WDR73: variants seen among roughly 807,000 people sequenced by gnomAD.
The protein encoded by WDR73 is WD repeat domain 73, also known as integrator complex assembly factor WDR73.
A neutral mutation model predicts 38.2 loss-of-function variants in WDR73; 30 were observed. The ratio of observed to expected loss-of-function variants is 0.79; its 90% CI spans 0.59 to 1.06. The LOEUF is 1.06. Among genes scored for constraint, WDR73 ranks in the 50% least tolerant of loss-of-function variants. The pLI, the probability that WDR73 is intolerant of heterozygous loss-of-function variation, is 0.00. For missense variants in WDR73, 487 were observed against 467.0 expected (o/e 1.04, Z -0.40); for synonymous variants, 197 against 176.0 (o/e 1.12, Z -0.94).
intron 6 of WDR73, 167 bp downstream of exon 6, chr15:84,646,017 A>C: frequency 6.5e-7 from 1 of 1,542,242 alleles, no homozygotes; most frequent in Non-Finnish European, 8.7e-7. Context: ...GGGACTGCCT[A>C]ATCCTGCCCC....
chr15:84,651,712 TA>T (rs752996812), intron 3 of WDR73, among the ~76,000 whole-genome samples: 41 of 152,346 alleles, frequency 2.7e-4, no homozygotes. Flanking sequence ...TGTTTCCGAC[TA>T]GTTGCTGCTT....
chr15:84,648,071 C>G (rs371078432), intron 4 of WDR73, 117 bp from the exon 5 acceptor site: 3 of 871,546 alleles, frequency 3.4e-6, no homozygotes, highest in Middle Eastern at 2.2e-4. Context: ...CATCTTACTG[C>G]AAGATCATCA....
rs1896292340 is a variant in WDR73 at position 84,642,495 on chromosome 15, CT to C, written c.*974del. The C allele has an allele frequency of 6.6e-6, 1 of 152,018 alleles. No individual in the cohort carries two copies. The highest frequency in any genetic ancestry group is 2.1e-4 in the South Asian group (1 of 4,816). 9.4% of individuals were successfully genotyped at this position (152,018 alleles called of 1,614,324 possible). A position where few individuals can be genotyped will look rare whatever the true frequency, so the allele number is the denominator to read the frequency against. ...TTTGTGTGTGTGTGTGTAACAGGGT[CT>C]CATTCTGTTGCCCAGGCTGGAATAC... On this transcript the variant is annotated 3_prime_UTR_variant, in exon 8 of 8. Coordinates refer to ENST00000434634, the MANE Select transcript of WDR73 (RefSeq NM_032856.5).
In WDR73 at chr15:84,643,240, C is replaced by A; in HGVS notation, c.*230G>T. 1.8e-6 allele frequency: 1 copy of A among 560,054 alleles called. No homozygotes were observed. The highest frequency in any genetic ancestry group is 2.3e-5 in the South Asian group (1 of 43,854). 34.7% of individuals were successfully genotyped at this position (560,054 alleles called of 1,614,324 possible). ...CACTCCCAGATCTAACAATAGCTAC[C>A]AAGTAATTATGCCATGCGTTTCTTC... is the stretch of plus-strand genomic sequence containing the variant. On this transcript the variant is annotated 3_prime_UTR_variant, in exon 8 of 8. Transcript: ENST00000434634.
chr15:84,652,220 T>G (rs1460857514), intron 3 of WDR73, among the ~76,000 whole-genome samples: 1 of 152,204 alleles, frequency 6.6e-6, no homozygotes, highest in Non-Finnish European at 1.5e-5. Flanking sequence ...CTAACTCTTT[T>G]TTTCTTGAGA....
chr15:84,643,218 TC>T lies in WDR73; in HGVS notation c.*251del, dbSNP rs1896321523. The T allele has an allele frequency of 3.8e-6, 2 of 522,896 alleles. No individual in the cohort carries two copies. Among genetic ancestry groups the T allele is most frequent in the Non-Finnish European group, 6.8e-6 (2 of 292,792 alleles). The allele number at this position is 522,896 out of a possible 1,614,324, so 32.4% of individuals were successfully genotyped here. ...GGGACAAAACGCTACCATTTCACACTCCCAGATCTAACAATAGCTACCAAGT... is the reference window on the plus strand; with the variant it reads ...GGGACAAAACGCTACCATTTCACACTCCAGATCTAACAATAGCTACCAAGT... On this transcript the variant is annotated 3_prime_UTR_variant, in exon 8 of 8. Coordinates refer to ENST00000434634, the MANE Select transcript of WDR73 (RefSeq NM_032856.5).
In WDR73 at chr15:84,645,540, G is replaced by T. The variant is rs1896420569; in HGVS notation, c.814C>A (p.Pro272Thr). 2 of 1,612,108 alleles carry T rather than the reference G, an allele frequency of 1.2e-6. No individual in the cohort carries two copies. Among genetic ancestry groups the T allele is most frequent in the African/African-American group, 2.7e-5 (2 of 74,890 alleles). Reference sequence around the variant, plus strand: ...CGCAGCAGCTCTGGGTCAGGGCTAGGTACGGATACTGGGCACTGGACTGAG... The same window carrying T: ...CGCAGCAGCTCTGGGTCAGGGCTAGTTACGGATACTGGGCACTGGACTGAG... ...VSSVQCPVSV[P>T]SPDPELLRVT... The change falls in exon 7 of 8, where the codon CCT (proline) becomes ACT (threonine). Residue 272 changes from proline (P) to threonine (T), a missense_variant. Physicochemically the swap from Pro to Thr is conservative, Grantham distance 38 (BLOSUM62 -1). Coordinates refer to ENST00000434634, the MANE Select transcript of WDR73 (RefSeq NM_032856.5).
chr15:84,645,515 C>CG lies in WDR73; in HGVS notation c.838dup (p.Arg280ProfsTer18). The CG allele has an allele frequency of 6.2e-7, 1 of 1,612,148 alleles. No homozygotes were observed. Among genetic ancestry groups the CG allele is most frequent in the Non-Finnish European group, 8.5e-7 (1 of 1,179,064 alleles). ...CTTCAGGCCTGGGGCCCAAGTCACTCGCAGCAGCTCTGGGTCAGGGCTAGG... is the reference window on the plus strand; with the variant it reads ...CTTCAGGCCTGGGGCCCAAGTCACTCGGCAGCAGCTCTGGGTCAGGGCTAGG... On this transcript the variant is annotated frameshift_variant, in exon 7 of 8. Transcript: ENST00000434634. LOFTEE classifies it high-confidence loss of function.
chr15:84,643,749 G>C, intron 7 of WDR73, 26 bp from the exon 8 acceptor site: 1 of 1,588,248 alleles, frequency 6.3e-7, no homozygotes, highest in East Asian at 2.2e-5. Context: ...AGAGAGGCTT[G>C]ACAATGAGTC....
In WDR73 at chr15:84,645,734, T is replaced by G; in HGVS notation, c.620A>C (p.Gln207Pro). The G allele has an allele frequency of 6.2e-7, 1 of 1,610,890 alleles. No individual in the cohort carries two copies. Among genetic ancestry groups the G allele is most frequent in the Non-Finnish European group, 8.5e-7 (1 of 1,178,564 alleles). Residue 207 changes from glutamine (Q) to proline (P), a missense_variant, in exon 7 of 8, where the codon CAG (glutamine) becomes CCG (proline). Physicochemically the swap from Gln to Pro is moderately conservative, Grantham distance 76. Coordinates refer to ENST00000434634, the MANE Select transcript of WDR73 (RefSeq NM_032856.5). The part of the protein sequence containing the change: ...SGRLGLVDTR[Q>P]KWAPLENRSP... ...GCGATTCTCCAACGGTGCCCACTTCTGCCGGGTGTCAACAAGCCCCAGCCG... is the reference window on the plus strand; with the variant it reads ...GCGATTCTCCAACGGTGCCCACTTCGGCCGGGTGTCAACAAGCCCCAGCCG...
At chr15:84,648,512 G>T in intron 4 of WDR73, 25 bp downstream of exon 4, 1 of 1,576,220 alleles carries the variant, frequency 6.3e-7, no homozygotes, top group Non-Finnish European at 8.7e-7. Flanking sequence ...CTGTGTGGAT[G>T]GCTGGATCAC....
At chr15:84,650,031 G>C (rs72750873) in intron 3 of WDR73, among the ~76,000 whole-genome samples, 8,613 of 152,220 alleles carry the variant, frequency 0.057, 344 homozygotes, top group Non-Finnish European at 0.088. Context: ...TGGTCCTCAG[G>C]CTACTTTGAT....
chr15:84,654,016 C>A, intron 1 of WDR73: 1 of 631,684 alleles, frequency 1.6e-6, no homozygotes. Context: ...TTCACAAGCG[C>A]GGCTCTTACT....
At chr15:84,649,784 A>T (rs11630887) in intron 3 of WDR73, among the ~76,000 whole-genome samples, 29,846 of 151,892 alleles carry the variant, frequency 0.2, 3,715 homozygotes, top group Middle Eastern at 0.36. Flanking sequence ...TTAACTTTTT[A>T]AATTTTGTGA....
chr15:84,645,056 T>C (rs1596049704), intron 7 of WDR73: 2 of 329,744 alleles, frequency 6.1e-6, no homozygotes, highest in East Asian at 1.9e-4. Flanking sequence ...GTTCACGCCA[T>C]TCTTCTGCCT....
In WDR73 at chr15:84,653,614, G is replaced by T; in HGVS notation, c.109+18C>A. On this transcript the variant is annotated intron_variant, in intron 2 of 7. Coordinates refer to ENST00000434634, the MANE Select transcript of WDR73 (RefSeq NM_032856.5). The stretch of plus-strand genomic sequence containing the variant: ...GGAGTGAGATTCCCTCTCCTTCAGG[G>T]CTAGAAAGGTATACCACCTTTGTCA... 6.4e-7 allele frequency: 1 copy of T among 1,568,942 alleles called. No individual in the cohort carries two copies. The highest frequency in any genetic ancestry group is 1.8e-5 in the Admixed American group (1 of 54,256).
intron 3 of WDR73, 93 bp from the exon 4 acceptor site, chr15:84,648,718 G>A: frequency 9.9e-7 from 1 of 1,013,424 alleles, no homozygotes; most frequent in East Asian, 2.4e-5. Context: ...AGCCTGGCAG[G>A]AGGCCATGGA....
At chr15:84,645,945 A>G (rs1352303325) in intron 6 of WDR73, 109 bp from the exon 7 acceptor site, 18 of 1,567,102 alleles carry the variant, frequency 1.1e-5, no homozygotes, top group Non-Finnish European at 1.4e-5. Context: ...GGCAGAATAA[A>G]TCACATCTCC....
At chr15:84,647,121 C>T (rs1172684168) in intron 5 of WDR73, 1 of 152,336 alleles carries the variant, frequency 6.6e-6, no homozygotes, top group African/African-American at 2.4e-5. Flanking sequence ...GCTCAAACTC[C>T]TGGTCAGGTG....
Sources: gnomAD v4.1 joint callset for allele counts (sites outside exome capture counted in the v4.1 genomes callset) on GRCh38, gnomAD v4.1.1 for gene constraint, MANE v1.5 for transcripts, NCBI Gene and HGNC (gene_info 2026-07-23, HGNC 2026-07-21) for gene names.